The following SPATS2L variants were observed in gnomAD, a reference collection of about 807,000 sequenced individuals.
The protein encoded by SPATS2L is SPATS2-like protein.
A neutral mutation model predicts 59.6 loss-of-function variants in SPATS2L; 30 were observed. That is an observed-to-expected ratio of 0.50 (90% CI 0.38 to 0.68). The LOEUF (loss-of-function observed/expected upper bound fraction) is 0.68, where lower values mean the gene tolerates loss of function less well. Among genes scored for constraint, SPATS2L ranks in the 30% least tolerant of loss-of-function variants. The probability of loss-of-function intolerance (pLI) is 0.00; values close to 1 mark genes in which losing one functional copy is unlikely to be tolerated. For missense variants in SPATS2L, 615 were observed against 700.0 expected, an observed-to-expected ratio of 0.88 and a Z score of 1.37; for synonymous variants, 252 against 263.5, an observed-to-expected ratio of 0.96 and a Z score of 0.42.
chr2:200,467,949 G>A (rs187327470), intron 10 of SPATS2L, among the ~76,000 whole-genome samples: 3 of 152,220 alleles, frequency 2.0e-5, no homozygotes, highest in East Asian at 1.9e-4. Flanking sequence ...TCAAGGACAA[G>A]TAGAATTTGA....
intron 3 of SPATS2L, among the ~76,000 whole-genome samples, chr2:200,408,494 C>T (rs539900988): frequency 1.3e-5 from 2 of 152,254 alleles, no homozygotes; most frequent in Admixed American, 1.3e-4. Context: ...GATCACACAG[C>T]TGTGTGGGTG....
At chr2:200,463,827 T>C (rs1373393589) in intron 9 of SPATS2L, among the ~76,000 whole-genome samples, 1 of 152,278 alleles carries the variant, frequency 6.6e-6, no homozygotes, top group Non-Finnish European at 1.5e-5. Context: ...ATCTTTGTGC[T>C]TAAAGAGCCA....
At chr2:200,448,425 G>A (rs545045775) in intron 8 of SPATS2L, among the ~76,000 whole-genome samples, 1 of 152,160 alleles carries the variant, frequency 6.6e-6, no homozygotes, top group South Asian at 2.1e-4. Context: ...CTGGGTGACA[G>A]AACAAGACAC....
intron 2 of SPATS2L, among the ~76,000 whole-genome samples, chr2:200,359,076 T>C (rs2081014369): frequency 6.6e-6 from 1 of 152,100 alleles, no homozygotes; most frequent in South Asian, 2.1e-4. Context: ...TAAGGAAATA[T>C]CAACTCACAC....
chr2:200,458,735 A>G (rs993261679), intron 8 of SPATS2L, among the ~76,000 whole-genome samples: 27 of 49,974 alleles, frequency 5.4e-4, no homozygotes, highest in Non-Finnish European at 1.2e-4. Flanking sequence ...CACACTGTTA[A>G]AAAAAAAAAA....
chr2:200,419,435 C>T lies in SPATS2L; in HGVS notation c.384C>T (p.Ile128=), dbSNP rs781068809. ...TDSANEKPAL[I]PREKKISILE... ...CTGCTAACGAAAAACCAGCCCTTAT[C>T]CCTCGTGAGAAAAAGATCTCGATAC... The change falls in exon 6 of 13, where the codon ATC becomes ATT. Residue 128 remains isoleucine (I), a synonymous_variant. Transcript: ENST00000409140. The T allele has an allele frequency of 6.2e-6, 10 of 1,613,704 alleles. No homozygotes were observed. The East Asian group carries it at 1.8e-4, about 29-fold the overall frequency.
chr2:200,318,998 G>A (rs1193074913), intron 1 of SPATS2L, among the ~76,000 whole-genome samples: 2 of 152,160 alleles, frequency 1.3e-5, no homozygotes, highest in African/African-American at 4.8e-5. Context: ...AAGCACAGGT[G>A]GACACAGATA....
At chr2:200,366,317 A>G (rs1265358524) in intron 2 of SPATS2L, among the ~76,000 whole-genome samples, 1 of 152,158 alleles carries the variant, frequency 6.6e-6, no homozygotes, top group Non-Finnish European at 1.5e-5. Context: ...CTTGATCCCA[A>G]GGGTTTACTT....
chr2:200,318,038 T>C (rs1375154170), intron 1 of SPATS2L, among the ~76,000 whole-genome samples: 1 of 152,198 alleles, frequency 6.6e-6, no homozygotes, highest in Non-Finnish European at 1.5e-5. Context: ...TTGTTCTCAG[T>C]GTGGGCTGAC....
At chr2:200,399,543 T>C (rs763466315) in intron 3 of SPATS2L, among the ~76,000 whole-genome samples, 3 of 151,834 alleles carry the variant, frequency 2.0e-5, no homozygotes, top group Non-Finnish European at 4.4e-5. Flanking sequence ...AAATGCTGAC[T>C]AGTTTTAATT....
chr2:200,350,796 A>C (rs1057220486), intron 2 of SPATS2L, among the ~76,000 whole-genome samples: 2 of 152,090 alleles, frequency 1.3e-5, no homozygotes, highest in Non-Finnish European at 2.9e-5. Context: ...CGGCCTCCCA[A>C]AGTGCTGGGA....
chr2:200,433,749 A>G (rs1472288828), intron 6 of SPATS2L, among the ~76,000 whole-genome samples: 1 of 152,130 alleles, frequency 6.6e-6, no homozygotes, highest in Non-Finnish European at 1.5e-5. Flanking sequence ...CTTTAAAAAC[A>G]CAACTTACCA....
At chr2:200,468,347 T>TGCACACACACACACACACACACACACAC (rs374587927) in intron 10 of SPATS2L, among the ~76,000 whole-genome samples, 2 of 110,082 alleles carry the variant, frequency 1.8e-5, no homozygotes, top group African/African-American at 6.4e-5. Context: ...CCCAGTATAC[T>TGCACACACACACACACACACACACACAC]ACACACACAC....
At chr2:200,424,363 C>G (rs1181339033) in intron 6 of SPATS2L, among the ~76,000 whole-genome samples, 1 of 151,912 alleles carries the variant, frequency 6.6e-6, no homozygotes, top group Admixed American at 6.6e-5. Context: ...GTGGCTCATA[C>G]CTGTAGTCCC....
chr2:200,332,514 T>C (rs2105798607), intron 2 of SPATS2L, among the ~76,000 whole-genome samples: 1 of 152,266 alleles, frequency 6.6e-6, no homozygotes, highest in South Asian at 2.1e-4. Context: ...CCCACAGTGG[T>C]GGGATTACAG....
chr2:200,330,627 C>A (rs1446286835), intron 2 of SPATS2L, among the ~76,000 whole-genome samples: 2 of 152,144 alleles, frequency 1.3e-5, no homozygotes, highest in African/African-American at 2.4e-5. Context: ...ATCCTGGCAG[C>A]CTTCTACCCA....
At chr2:200,440,405 A>G (rs534649511) in intron 7 of SPATS2L, among the ~76,000 whole-genome samples, 1 of 152,218 alleles carries the variant, frequency 6.6e-6, no homozygotes. Context: ...GCCTCCTTCC[A>G]AAGAGTGCAG....
intron 3 of SPATS2L, among the ~76,000 whole-genome samples, chr2:200,411,017 A>G (rs1158194670): frequency 7.3e-6 from 1 of 137,462 alleles, no homozygotes; most frequent in Non-Finnish European, 1.5e-5. Context: ...ACACATACAT[A>G]TATATATATA....
At chr2:200,457,228 AC>A (rs2085905699) in intron 8 of SPATS2L, among the ~76,000 whole-genome samples, 1 of 1,784 alleles carries the variant, frequency 5.6e-4, no homozygotes, top group Non-Finnish European at 5.7e-3. Context: ...ATACATACAC[AC>A]ACACACACAC....
Sources: allele counts gnomAD v4.1 joint callset (sites outside exome capture counted in the v4.1 genomes callset), GRCh38; gene constraint gnomAD v4.1.1; transcripts MANE v1.5; gene names NCBI Gene and HGNC (gene_info 2026-07-23, HGNC 2026-07-21).